UGT1A7: variants seen among roughly 807,000 people sequenced by gnomAD.
UGT1A7 encodes the protein UDP glucuronosyltransferase family 1 member A7.
UGT1A7 carries 33 observed loss-of-function variants against 45.6 expected under a neutral mutation model. That is an observed-to-expected ratio of 0.72 (90% CI 0.55 to 0.97). The LOEUF (loss-of-function observed/expected upper bound fraction) is 0.97, where lower values mean the gene tolerates loss of function less well. Ranked by LOEUF, UGT1A7 falls within the 50% of genes least tolerant of loss-of-function variation. The pLI, the probability that UGT1A7 is intolerant of heterozygous loss-of-function variation, is 0.00. For synonymous variants in UGT1A7, 274 were observed against 250.6 expected (o/e 1.09, Z -0.88); for missense variants, 684 against 666.2 (o/e 1.03, Z -0.29).
chr2:233,715,511 C>T (rs1206951556), intron 1 of UGT1A7, among the ~76,000 whole-genome samples: 1 of 152,146 alleles, frequency 6.6e-6, no homozygotes, highest in African/African-American at 2.4e-5. Flanking sequence ...GTAGCTCACA[C>T]CTGTAATTTC....
chr2:233,702,494 C>A (rs374252732), intron 1 of UGT1A7, among the ~76,000 whole-genome samples: 38 of 152,118 alleles, frequency 2.5e-4, no homozygotes, highest in African/African-American at 9.2e-4. Context: ...CCTCTAGTAC[C>A]GTGTTGAATA....
chr2:233,725,083 A>C (rs2077363375), intron 1 of UGT1A7, among the ~76,000 whole-genome samples: 1 of 145,276 alleles, frequency 6.9e-6, no homozygotes, highest in African/African-American at 2.6e-5. Flanking sequence ...GGCACTCGGC[A>C]GGCTGAGGCA....
At chr2:233,682,872 C>T (rs1348712274) in intron 1 of UGT1A7, 80 bp downstream of exon 1, 1 of 1,521,250 alleles carries the variant, frequency 6.6e-7, no homozygotes, top group South Asian at 1.3e-5. Context: ...CATAATTTAT[C>T]ATTTACATTT....
chr2:233,684,280 A>G (rs2074671644), intron 1 of UGT1A7, among the ~76,000 whole-genome samples: 1 of 152,204 alleles, frequency 6.6e-6, no homozygotes, highest in East Asian at 1.9e-4. Flanking sequence ...ATGAAACATG[A>G]CTTTCAGCTC....
At chr2:233,766,944 A>C (rs1699286381) in intron 1 of UGT1A7, 90 bp from the exon 2 acceptor site, 2 of 1,597,570 alleles carry the variant, frequency 1.3e-6, no homozygotes, top group South Asian at 2.3e-5. Context: ...TCATAGTCTT[A>C]AGAGGAAGAT....
chr2:233,724,621 C>T (rs1346107086), intron 1 of UGT1A7, among the ~76,000 whole-genome samples: 1 of 138,572 alleles, frequency 7.2e-6, no homozygotes, highest in African/African-American at 2.8e-5. Flanking sequence ...CAGAGACGCT[C>T]CTCACTTCCT....
chr2:233,693,470 G>C, intron 1 of UGT1A7: 1 of 1,614,122 alleles, frequency 6.2e-7, no homozygotes, highest in Non-Finnish European at 8.5e-7. Flanking sequence ...CTTACCCTGT[G>C]GGGTGATCCT....
At chr2:233,729,649 A>T (rs61764031) in intron 1 of UGT1A7, 1,345 of 1,613,864 alleles carry the variant, frequency 8.3e-4, no homozygotes, top group Non-Finnish European at 1.1e-3. Context: ...TTTTTTGAGG[A>T]ACATTCCATG....
chr2:233,745,008 A>G (rs552050904), intron 1 of UGT1A7, among the ~76,000 whole-genome samples: 2 of 151,846 alleles, frequency 1.3e-5, no homozygotes, highest in Non-Finnish European at 2.9e-5. Flanking sequence ...TTACCTAATA[A>G]ATGTAAATGC....
intron 1 of UGT1A7, among the ~76,000 whole-genome samples, chr2:233,737,663 G>A (rs918279158): frequency 3.9e-5 from 6 of 152,176 alleles, no homozygotes; most frequent in South Asian, 4.1e-4. Context: ...GCTGCAGATC[G>A]GAGCTGTTCC....
At chr2:233,693,070 C>A (rs1288884840) in intron 1 of UGT1A7, 3 of 1,614,008 alleles carry the variant, frequency 1.9e-6, no homozygotes, top group Non-Finnish European at 2.5e-6. Context: ...CACTTTGGGG[C>A]ATGGTTGTAG....
At chr2:233,713,803 C>A in intron 1 of UGT1A7, 12 of 1,614,054 alleles carry the variant, frequency 7.4e-6, no homozygotes, top group Non-Finnish European at 8.5e-6. Flanking sequence ...CCGATCATGC[C>A]CAACATGGTC....
chr2:233,700,444 A>C (rs1343757710), intron 1 of UGT1A7, among the ~76,000 whole-genome samples: 1 of 152,214 alleles, frequency 6.6e-6, no homozygotes, highest in Non-Finnish European at 1.5e-5. Flanking sequence ...GAGTAGCTGA[A>C]TGCTAGAATG....
At chr2:233,743,847 G>A (rs771949487) in intron 1 of UGT1A7, 44 of 1,367,104 alleles carry the variant, frequency 3.2e-5, no homozygotes, top group Non-Finnish European at 4.2e-5. Flanking sequence ...GCCAGCTTGC[G>A]GTACGCCTTC....
chr2:233,718,804 C>T (rs748979755), intron 1 of UGT1A7: 52 of 1,613,118 alleles, frequency 3.2e-5, no homozygotes, highest in African/African-American at 4.0e-5. Context: ...AGTCAGCTGT[C>T]GGTGGCTTCT....
intron 4 of UGT1A7, 146 bp from the exon 5 acceptor site, chr2:233,772,116 A>C (rs1430946734): frequency 1.3e-6 from 2 of 1,531,304 alleles, no homozygotes; most frequent in Non-Finnish European, 1.8e-6. Flanking sequence ...CTGTATCTAA[A>C]AACAACAACA....
At chr2:233,764,091 A>T (rs1189642052) in intron 1 of UGT1A7, among the ~76,000 whole-genome samples, 1 of 152,202 alleles carries the variant, frequency 6.6e-6, no homozygotes, top group East Asian at 1.9e-4. Flanking sequence ...AAAAGCCTAA[A>T]CTAAAAATAC....
chr2:233,732,960 T>C (rs2078342290), intron 1 of UGT1A7, among the ~76,000 whole-genome samples: 1 of 152,142 alleles, frequency 6.6e-6, no homozygotes, highest in South Asian at 2.1e-4. Context: ...TGTTCTTCCA[T>C]TTGTTTGTGT....
At chr2:233,765,606 C>G (rs4663971) in intron 1 of UGT1A7, among the ~76,000 whole-genome samples, 75,263 of 151,312 alleles carry the variant, frequency 0.5, 19,319 homozygotes, top group African/African-American at 0.62. Context: ...GGGCTTGTGG[C>G]GGGGTGAGGG....
Sources: allele counts gnomAD v4.1 joint callset (sites outside exome capture counted in the v4.1 genomes callset), GRCh38; gene constraint gnomAD v4.1.1; transcripts MANE v1.5; gene names NCBI Gene and HGNC (gene_info 2026-07-23, HGNC 2026-07-21).